RGMB: variants seen among roughly 807,000 people sequenced by gnomAD.
RGMB encodes the protein repulsive guidance molecule BMP co-receptor b.
A neutral mutation model predicts 26.9 loss-of-function variants in RGMB; 16 were observed. That is an observed-to-expected ratio of 0.60 (90% confidence interval 0.40 to 0.90). The LOEUF is 0.90. RGMB is among the 40% of genes least tolerant of loss of function. The pLI is 0.00. For missense variants in RGMB, 512 were observed against 573.3 expected (o/e 0.89, Z 1.09); for synonymous variants, 225 against 229.3 (o/e 0.98, Z 0.17).
intron 2 of RGMB, among the ~76,000 whole-genome samples, chr5:98,781,867 T>A (rs1391420944): frequency 2.0e-5 from 3 of 152,226 alleles, no homozygotes; most frequent in Non-Finnish European, 4.4e-5. Flanking sequence ...TATGGAACAG[T>A]TTACACTGAA....
At chr5:98,769,305 G>C (rs1212484449), upstream of RGMB, 1 of 152,522 alleles carries the variant, frequency 6.6e-6, no homozygotes, top group East Asian at 1.9e-4. Flanking sequence ...ATTTGAGGCT[G>C]ACTGGGGAGA....
intron 2 of RGMB, among the ~76,000 whole-genome samples, chr5:98,785,012 A>T (rs574012825): frequency 6.6e-6 from 1 of 152,214 alleles, no homozygotes; most frequent in African/African-American, 2.4e-5. Flanking sequence ...ACATTGTTGC[A>T]TGGGTAATTC....
At chr5:98,785,013 T>C (rs1746729367) in intron 2 of RGMB, among the ~76,000 whole-genome samples, 1 of 152,214 alleles carries the variant, frequency 6.6e-6, no homozygotes, top group Non-Finnish European at 1.5e-5. Flanking sequence ...CATTGTTGCA[T>C]GGGTAATTCT....
chr5:98,793,149 A>G lies in RGMB; in HGVS notation c.710A>G (p.Asp237Gly). ...CAGAAAGTCTACCAAGCTGTGACAG[A>G]TGACCTGCCGGCCGCCTTTGTGGAT... The part of the protein sequence containing the change: ...TDQKVYQAVT[D>G]DLPAAFVDGT... Residue 237 changes from aspartate to glycine, a missense_variant, in exon 3 of 3, where the codon GAT becomes GGT. Asp to Gly is a moderately conservative substitution (Grantham distance 94). Transcript: ENST00000513185. The G allele has an allele frequency of 6.2e-7, 1 of 1,613,994 alleles. No individual in the cohort carries two copies. Among genetic ancestry groups the G allele is most frequent in the African/African-American group, 1.3e-5 (1 of 75,068 alleles).
chr5:98,787,568 C>T (rs574324645), intron 2 of RGMB, among the ~76,000 whole-genome samples: 2 of 152,318 alleles, frequency 1.3e-5, no homozygotes, highest in East Asian at 3.9e-4. Flanking sequence ...CACAGGCCTG[C>T]CTTCATATCT....
At chr5:98,775,680 C>G (rs528526826) in intron 1 of RGMB, among the ~76,000 whole-genome samples, 1 of 152,254 alleles carries the variant, frequency 6.6e-6, no homozygotes, top group South Asian at 2.1e-4. Flanking sequence ...GGTTTCTTTG[C>G]TAGCCCGTGA....
At chr5:98,786,862 AGAG>A (rs1746779966) in intron 2 of RGMB, among the ~76,000 whole-genome samples, 1 of 152,172 alleles carries the variant, frequency 6.6e-6, no homozygotes, top group African/African-American at 2.4e-5. Flanking sequence ...TTCTATGGAG[AGAG>A]GAGTTTTTTA....
chr5:98,774,765 A>G (rs922235972), intron 1 of RGMB, among the ~76,000 whole-genome samples: 1 of 152,126 alleles, frequency 6.6e-6, no homozygotes, highest in African/African-American at 2.4e-5. Context: ...TCGTTTTGGC[A>G]AAAGCTGCGT....
chr5:98,791,777 AT>A (rs1171786999), intron 2 of RGMB, among the ~76,000 whole-genome samples: 1 of 152,156 alleles, frequency 6.6e-6, no homozygotes, highest in Non-Finnish European at 1.5e-5. Context: ...CCCCTGTCTT[AT>A]CATAGTTGTC....
upstream of RGMB, chr5:98,768,738 C>T (rs1746055820): frequency 6.6e-6 from 1 of 152,278 alleles, no homozygotes; most frequent in African/African-American, 2.4e-5. Context: ...CACACTGGCA[C>T]CTTAGGTGGT....
At chr5:98,791,154 TAAG>T (rs1277246038) in intron 2 of RGMB, among the ~76,000 whole-genome samples, 1 of 152,202 alleles carries the variant, frequency 6.6e-6, no homozygotes, top group African/African-American at 2.4e-5. Flanking sequence ...TTTGGGTTGT[TAAG>T]AAGGTGTTGA....
rs189144176 is a variant in RGMB, at chr5:98,774,277, C to T, written c.136+71C>T. 74 of 1,322,290 alleles carry T rather than the reference C, an allele frequency of 5.6e-5. No individual in the cohort carries two copies. The African/African-American group carries it at 1.0e-3, about 18-fold the overall frequency. The allele number at this position is 1,322,290 out of a possible 1,614,324, so 81.9% of individuals were successfully genotyped here. A position where few individuals can be genotyped will look rare whatever the true frequency, so the allele number is the denominator to read the frequency against. Reference sequence around the variant, plus strand: ...TTTGTTCCCAAATAGCCCCAGGTCTCGAAGGCGCTCGCCGGGGCGGAAGGG... The same window carrying T: ...TTTGTTCCCAAATAGCCCCAGGTCTTGAAGGCGCTCGCCGGGGCGGAAGGG... On this transcript the variant is annotated intron_variant, in intron 1 of 2. Coordinates refer to ENST00000513185, the MANE Select transcript of RGMB (RefSeq NM_001366508.1).
upstream of RGMB, chr5:98,769,936 C>T (rs1417440895): frequency 6.6e-6 from 1 of 152,462 alleles, no homozygotes; most frequent in Non-Finnish European, 1.5e-5. Context: ...GGCTGGCGCT[C>T]CGCAGAGCAA....
At chr5:98,786,079 GTTTATTC>G (rs768693888) in intron 2 of RGMB, among the ~76,000 whole-genome samples, 1 of 152,156 alleles carries the variant, frequency 6.6e-6, no homozygotes, top group South Asian at 2.1e-4. Context: ...TGAGCTACCT[GTTTATTC>G]TTTATGCTAT....
chr5:98,770,967 C>G (rs1746143169), upstream of RGMB: 1 of 347,522 alleles, frequency 2.9e-6, no homozygotes, highest in African/African-American at 2.1e-5. Flanking sequence ...ATCTGTTAAG[C>G]AGTCAGAGAT....
At chr5:98,781,128 CT>C (rs1439628397) in intron 2 of RGMB, 2 of 152,338 alleles carry the variant, frequency 1.3e-5, no homozygotes, top group Non-Finnish European at 2.9e-5. Context: ...ACACCCTCCC[CT>C]GTGTCTAAAC....
At chr5:98,782,930 A>G (rs112812728) in intron 2 of RGMB, among the ~76,000 whole-genome samples, 16 of 152,286 alleles carry the variant, frequency 1.1e-4, no homozygotes, top group African/African-American at 3.8e-4. Flanking sequence ...CCGGGGCCAT[A>G]TATTAGCTAA....
chr5:98,780,816 C>T (rs1746577354), intron 2 of RGMB: 1 of 152,182 alleles, frequency 6.6e-6, no homozygotes, highest in African/African-American at 2.4e-5. Context: ...AGATCTTTGA[C>T]ACCAACTTCA....
At chr5:98,777,500 C>T (rs1215466072) in intron 1 of RGMB, among the ~76,000 whole-genome samples, 1 of 152,090 alleles carries the variant, frequency 6.6e-6, no homozygotes, top group Admixed American at 6.5e-5. Context: ...GGAGACGTGA[C>T]CTGTGATGGA....
Sources: gnomAD v4.1 joint callset for allele counts (sites outside exome capture counted in the v4.1 genomes callset) on GRCh38, gnomAD v4.1.1 for gene constraint, MANE v1.5 for transcripts, NCBI Gene and HGNC (gene_info 2026-07-23, HGNC 2026-07-21) for gene names.